Variants in NRAP observed in about 807,000 individuals in gnomAD.
NRAP encodes the protein nebulin related anchoring protein, also known as nebulin-related-anchoring protein.
Under a neutral mutation model 225.9 loss-of-function variants are expected in NRAP, and 189 were observed. The ratio of observed to expected loss-of-function variants is 0.84; its 90% confidence interval spans 0.74 to 0.94. The LOEUF (loss-of-function observed/expected upper bound fraction) is 0.94. NRAP is among the 40% of genes least tolerant of loss of function. The pLI, the probability that NRAP is intolerant of heterozygous loss-of-function variation, is 0.00. For missense variants in NRAP, 2,176 were observed against 2,168.7 expected, an observed-to-expected ratio of 1.00 and a Z score of -0.07; for synonymous variants, 769 against 790.7, an observed-to-expected ratio of 0.97 and a Z score of 0.46.
At chr10:113,618,148 C>CAAA (rs372609403) in intron 25 of NRAP, among the ~76,000 whole-genome samples, 2 of 112,208 alleles carry the variant, frequency 1.8e-5, no homozygotes, top group Non-Finnish European at 1.9e-5. Context: ...GACACTGAAG[C>CAAA]AAAAAAAAAA....
At position 113,633,113 on chromosome 10, in the gene NRAP, C is replaced by T; in HGVS notation, c.1603G>A (p.Ala535Thr). ...CTGAAGAGTTTGGCATTGGTTTTGGCCTTCACCAGCTGAGGAACATCCTGG... is the reference window on the plus strand; with the variant it reads ...CTGAAGAGTTTGGCATTGGTTTTGGTCTTCACCAGCTGAGGAACATCCTGG... Reference protein sequence around the residue: ...LPQDVPQLVKAKTNAKLFSEV... With the variant: ...LPQDVPQLVKTKTNAKLFSEV... Residue 535 changes from alanine to threonine, a missense_variant, in exon 16 of 42, where the codon GCC (alanine) becomes ACC (threonine). Coordinates refer to ENST00000359988, the MANE Select transcript of NRAP (RefSeq NM_198060.4). 6.2e-7 allele frequency: 1 copy of T among 1,605,370 alleles called. No individual in the cohort carries two copies. The highest frequency in any genetic ancestry group is 8.5e-7 in the Non-Finnish European group (1 of 1,172,094).
chr10:113,605,910 A>G (rs1250755017), intron 33 of NRAP, 41 bp from the exon 34 acceptor site: 1 of 1,444,882 alleles, frequency 6.9e-7, no homozygotes, highest in Non-Finnish European at 9.7e-7. Flanking sequence ...AAAAAATTAC[A>G]TGAATCAACG....
chr10:113,649,902 G>T, intron 9 of NRAP, 135 bp downstream of exon 9: 1 of 614,210 alleles, frequency 1.6e-6, no homozygotes, highest in East Asian at 2.6e-5. Flanking sequence ...TTTCTATCTT[G>T]GAAAATCTAC....
intron 6 of NRAP, among the ~76,000 whole-genome samples, chr10:113,652,536 C>T (rs1424054312): frequency 2.0e-5 from 3 of 150,976 alleles, no homozygotes; most frequent in Non-Finnish European, 4.4e-5. Context: ...TCCAGCTACT[C>T]GGGAGGCTGA....
intron 22 of NRAP, among the ~76,000 whole-genome samples, chr10:113,623,981 G>T (rs1342046215): frequency 6.6e-6 from 1 of 152,074 alleles, no homozygotes; most frequent in Non-Finnish European, 1.5e-5. Flanking sequence ...CTCTGTCCAC[G>T]CACCCCACCC....
In NRAP at chr10:113,628,974, C is replaced by T. The variant is rs1848429679; in HGVS notation, c.2088G>A (p.Leu696=). Residue 696 remains leucine (L), a synonymous_variant, in exon 20 of 42, where the codon CTG becomes CTA. Coordinates refer to ENST00000359988, the MANE Select transcript of NRAP (RefSeq NM_198060.4). ...GTTCCAAGTTGAGACTCCCCTCTGTCAGCCACCCAACTCCCTTCATCCATG... is the reference window on the plus strand; with the variant it reads ...GTTCCAAGTTGAGACTCCCCTCTGTTAGCCACCCAACTCCCTTCATCCATG... ...DLAWMKGVGW[L]TEGSLNLEQA... The T allele has an allele frequency of 6.2e-7, 1 of 1,613,710 alleles. No homozygotes were observed. The highest frequency in any genetic ancestry group is 1.1e-5 in the South Asian group (1 of 91,000).
intron 19 of NRAP, 31 bp from the exon 20 acceptor site, chr10:113,629,052 G>A (rs1181517159): frequency 6.8e-7 from 1 of 1,464,276 alleles, no homozygotes; most frequent in East Asian, 2.3e-5. Context: ...AGCTCTCATT[G>A]GGCGCATGGA....
intron 12 of NRAP, among the ~76,000 whole-genome samples, chr10:113,642,420 T>C (rs1417014843): frequency 6.6e-6 from 1 of 152,156 alleles, no homozygotes. Flanking sequence ...AAGCATACTA[T>C]CTAGTATAGG....
chr10:113,609,687 T>C (rs1592754838), intron 31 of NRAP, among the ~76,000 whole-genome samples: 1 of 152,264 alleles, frequency 6.6e-6, no homozygotes, highest in East Asian at 1.9e-4. Context: ...GGGGTCTGAG[T>C]ATACCCATTT....
At chr10:113,610,169 G>A (rs541718296) in intron 31 of NRAP, among the ~76,000 whole-genome samples, 2 of 152,060 alleles carry the variant, frequency 1.3e-5, no homozygotes, top group East Asian at 3.9e-4. Flanking sequence ...GGCCAACATG[G>A]TGAAACCCCA....
chr10:113,617,573 C>A lies in NRAP; in HGVS notation c.2875-20G>T, dbSNP rs757201667. The A allele has an allele frequency of 6.8e-7, 1 of 1,462,140 alleles. No homozygotes were observed. Among genetic ancestry groups the A allele is most frequent in the Admixed American group, 1.7e-5 (1 of 59,844 alleles). The allele number at this position is 1,462,140 out of a possible 1,614,324, so 90.6% of individuals were successfully genotyped here. On this transcript the variant is annotated intron_variant, in intron 25 of 41. Coordinates refer to ENST00000359988, the MANE Select transcript of NRAP (RefSeq NM_198060.4). ...CTTCTTCTGTTGAGCAGAAAAAGAT[C>A]AAAGCTGTGAATTTTGTGCTGCTCT...
At chr10:113,608,667 C>G (rs1380869241) in intron 31 of NRAP, among the ~76,000 whole-genome samples, 155 bp from the exon 32 acceptor site, 13 of 152,136 alleles carry the variant, frequency 8.5e-5, no homozygotes, top group Admixed American at 8.5e-4. Context: ...CTTTGTGACC[C>G]CAAAACTCAC....
chr10:113,608,945 G>T (rs1847167187), intron 31 of NRAP, among the ~76,000 whole-genome samples: 1 of 152,120 alleles, frequency 6.6e-6, no homozygotes, highest in Non-Finnish European at 1.5e-5. Flanking sequence ...GATCCCCTAA[G>T]GTCAGGAGTT....
At chr10:113,639,774 TC>T (rs34273090) in intron 14 of NRAP, among the ~76,000 whole-genome samples, 1 of 152,242 alleles carries the variant, frequency 6.6e-6, no homozygotes, top group Admixed American at 6.5e-5. Context: ...CATATACTTT[TC>T]CATGTGCTCC....
rs776936445 is a variant in NRAP at position 113,646,953 on chromosome 10, G to T, written c.963C>A (p.Asn321Lys). 1 of 1,613,794 alleles carries T rather than the reference G, an allele frequency of 6.2e-7. No homozygotes were observed. Among genetic ancestry groups the T allele is most frequent in the South Asian group, 1.1e-5 (1 of 91,086 alleles). Residue 321 changes from asparagine (N) to lysine (K), a missense_variant, in exon 10 of 42, where the codon AAC (asparagine) becomes AAA (lysine). By Grantham distance (94) the Asn-to-Lys change is moderately conservative. Around this residue, in one of 3 missense-constraint regions of NRAP, gnomAD observed 1,708 missense variants for 1,695.5 expected, o/e 1.01. Coordinates refer to ENST00000359988, the MANE Select transcript of NRAP (RefSeq NM_198060.4). ...FPAMITPAYQ[N>K]AKKAHELASD... The stretch of plus-strand genomic sequence containing the variant: ...TAGCGAGTTCGTGAGCTTTCTTGGC[G>T]TTCTGATATGCTGGAGTGATCATAG...
In NRAP at chr10:113,650,083, C is replaced by T. The variant is rs1300347161; in HGVS notation, c.842G>A (p.Gly281Glu). 1 of 1,612,896 alleles carries T rather than the reference C, an allele frequency of 6.2e-7. No individual in the cohort carries two copies. The highest frequency in any genetic ancestry group is 2.2e-5 in the East Asian group (1 of 44,884). ...TTCCCTTGTCAAGATGCCCTCAGCT[C>T]CAATGGCTGGACCAGCCATTCCCCT... is the stretch of plus-strand genomic sequence containing the variant. Reference protein sequence around the residue: ...EMRGMAGPAIGAEGILTRECA... With the variant: ...EMRGMAGPAIEAEGILTRECA... Residue 281 changes from glycine to glutamate, a missense_variant, in exon 9 of 42, where the codon GGA becomes GAA. Around this residue, in one of 3 missense-constraint regions of NRAP, gnomAD observed 1,708 missense variants for 1,695.5 expected, o/e 1.01. Coordinates refer to ENST00000359988, the MANE Select transcript of NRAP (RefSeq NM_198060.4).
At chr10:113,645,998 G>C (rs1184224452) in intron 10 of NRAP, 57 bp from the exon 11 acceptor site, 3 of 865,734 alleles carry the variant, frequency 3.5e-6, no homozygotes, top group Non-Finnish European at 5.4e-6. Context: ...TCTGGGAGGG[G>C]AATTACTCCA....
chr10:113,656,991 T>A (rs1184221940), intron 4 of NRAP, among the ~76,000 whole-genome samples: 1 of 152,148 alleles, frequency 6.6e-6, no homozygotes, highest in East Asian at 1.9e-4. Flanking sequence ...ATGATGAGTC[T>A]GTCAACAGAC....
chr10:113,606,297 T>TC lies in NRAP; in HGVS notation c.3703-16_3703-15insG. ...TTATAGAGGCGCTAGGCCAAAAAAA[T>TC]ATAATAATAATAATGCAAGAGATAA... On this transcript the variant is annotated splice_polypyrimidine_tract_variant and intron_variant, in intron 32 of 41. Coordinates refer to ENST00000359988, the MANE Select transcript of NRAP (RefSeq NM_198060.4). 5 of 1,458,090 alleles carry TC rather than the reference T, an allele frequency of 3.4e-6. No individual in the cohort carries two copies. Among genetic ancestry groups the TC allele is most frequent in the Non-Finnish European group, 4.8e-6 (5 of 1,038,206 alleles). 90.3% of individuals were successfully genotyped at this position (1,458,090 alleles called of 1,614,324 possible).
Sources: allele counts gnomAD v4.1 joint callset (sites outside exome capture counted in the v4.1 genomes callset), GRCh38; gene constraint gnomAD v4.1.1; regional missense constraint gnomAD v4.1.1; transcripts MANE v1.5; gene names NCBI Gene and HGNC (gene_info 2026-07-23, HGNC 2026-07-21).